The following CDYL2 variants were observed in gnomAD, a reference collection of about 807,000 sequenced individuals.
CDYL2 encodes chromodomain Y-like protein 2.
In CDYL2, 23 loss-of-function variants were observed where a neutral mutation model predicts 49.4. The ratio of observed to expected loss-of-function variants is 0.47; its 90% confidence interval spans 0.34 to 0.66. CDYL2 has a LOEUF of 0.66. Among genes scored for constraint, CDYL2 ranks in the 30% least tolerant of loss-of-function variants. The pLI is 0.01. For synonymous variants in CDYL2, 360 were observed against 268.8 expected (o/e 1.34, Z -3.32); for missense variants, 678 against 656.4 (o/e 1.03, Z -0.36).
chr16:80,686,101 C>T (rs1910179062), intron 1 of CDYL2, among the ~76,000 whole-genome samples: 1 of 152,212 alleles, frequency 6.6e-6, no homozygotes, highest in African/African-American at 2.4e-5. Flanking sequence ...ATGCACAGCT[C>T]GCAGGCGATA....
chr16:80,672,535 A>AAAAGG (rs58509953), intron 2 of CDYL2, among the ~76,000 whole-genome samples: 3,955 of 44,546 alleles, frequency 0.089, 340 homozygotes, highest in Non-Finnish European at 0.093. Flanking sequence ...AAGGAAAAGG[A>AAAAGG]AAAGGAAAGG....
At chr16:80,694,651 C>T (rs752569259) in intron 1 of CDYL2, among the ~76,000 whole-genome samples, 2 of 152,276 alleles carry the variant, frequency 1.3e-5, no homozygotes, top group African/African-American at 2.4e-5. Flanking sequence ...AGAGCACACA[C>T]ATATTTCCTA....
intron 1 of CDYL2, among the ~76,000 whole-genome samples, chr16:80,703,450 G>A (rs368194602): frequency 4.7e-4 from 71 of 152,236 alleles, no homozygotes; most frequent in African/African-American, 1.5e-3. Flanking sequence ...TTCAGGATTG[G>A]ACTAGAGCTA....
chr16:80,684,403 A>C, intron 2 of CDYL2, 135 bp downstream of exon 2: 1 of 795,396 alleles, frequency 1.3e-6, no homozygotes, highest in Non-Finnish European at 2.0e-6. Context: ...TAGGTGAGAG[A>C]GATGAAGGGG....
intron 1 of CDYL2, among the ~76,000 whole-genome samples, chr16:80,730,000 G>T (rs1012683110): frequency 2.0e-5 from 3 of 152,036 alleles, no homozygotes; most frequent in Non-Finnish European, 4.4e-5. Context: ...GAGAAAGCAG[G>T]AAAGATCCAA....
intron 1 of CDYL2, among the ~76,000 whole-genome samples, chr16:80,760,651 A>C (rs72807956): frequency 0.012 from 1,867 of 152,184 alleles, 23 homozygotes; most frequent in Non-Finnish European, 0.019. Context: ...AAAAAGAAAA[A>C]CAGTGTCAAA....
At chr16:80,716,863 A>G (rs1004608641) in intron 1 of CDYL2, among the ~76,000 whole-genome samples, 2 of 151,178 alleles carry the variant, frequency 1.3e-5, no homozygotes, top group South Asian at 2.1e-4. Context: ...TAATGTATGT[A>G]TGGATGGATG....
chr16:80,713,507 T>G (rs1012653590), intron 1 of CDYL2, among the ~76,000 whole-genome samples: 1 of 152,178 alleles, frequency 6.6e-6, no homozygotes, highest in Non-Finnish European at 1.5e-5. Context: ...AAGGTCCCTC[T>G]GAACCATTGA....
intron 3 of CDYL2, among the ~76,000 whole-genome samples, chr16:80,621,829 G>A (rs1261548454): frequency 6.6e-6 from 1 of 152,158 alleles, no homozygotes; most frequent in Non-Finnish European, 1.5e-5. Context: ...CTATGACCTT[G>A]TCTTAGGCAG....
chr16:80,699,414 A>G (rs1904289647), intron 1 of CDYL2, among the ~76,000 whole-genome samples: 1 of 152,270 alleles, frequency 6.6e-6, no homozygotes, highest in Admixed American at 6.5e-5. Flanking sequence ...AGCCAGGCAT[A>G]GAAATACAAA....
intron 1 of CDYL2, among the ~76,000 whole-genome samples, chr16:80,762,700 G>A (rs1024896554): frequency 2.0e-5 from 3 of 152,150 alleles, no homozygotes; most frequent in Non-Finnish European, 4.4e-5. Flanking sequence ...TTGGGCACAA[G>A]CACAAAGCAG....
chr16:80,753,262 A>C (rs530779118), intron 1 of CDYL2, among the ~76,000 whole-genome samples: 23 of 134,866 alleles, frequency 1.7e-4, no homozygotes, highest in African/African-American at 7.4e-4. Context: ...TCCCAACTTA[A>C]AAAAAAAAAA....
chr16:80,798,428 T>C (rs1907830425), intron 1 of CDYL2, among the ~76,000 whole-genome samples: 2 of 151,528 alleles, frequency 1.3e-5, no homozygotes, highest in African/African-American at 4.9e-5. Flanking sequence ...CTCCTCCTCC[T>C]CCTCAGTCTA....
At position 80,650,160 on chromosome 16, in the gene CDYL2, C is replaced by A. The variant is rs143238316; in HGVS notation, c.617-16924G>T. Among the ~76,000 whole-genome samples, 667 of 152,090 alleles carry A rather than the reference C, an allele frequency of 4.4e-3. 5 individuals are homozygous for A. The highest frequency in any genetic ancestry group is 0.015 in the African/African-American group (639 of 41,504). ...AAAAGCTTCCACACAGCAAAGGAAA[C>A]AATCAACAAAGTGAAGAGACAAGCC... On this transcript the variant is annotated intron_variant, in intron 2 of 6. Coordinates refer to ENST00000570137, the MANE Select transcript of CDYL2 (RefSeq NM_152342.4).
intron 1 of CDYL2, among the ~76,000 whole-genome samples, chr16:80,788,365 ATCC>A (rs1907502403): frequency 6.6e-6 from 1 of 152,210 alleles, no homozygotes; most frequent in African/African-American, 2.4e-5. Context: ...ATGCTTTCCC[ATCC>A]TGATTAACTC....
chr16:80,622,507 T>C lies in CDYL2; in HGVS notation c.835-1572A>G, dbSNP rs377201877. On this transcript the variant is annotated intron_variant, in intron 3 of 6. Coordinates refer to ENST00000570137, the MANE Select transcript of CDYL2 (RefSeq NM_152342.4). ...TTGTTTGTTTCCTGCCTTTTATTTG[T>C]CCACACTTGCTCAACTGTTATTTTA... Among the ~76,000 whole-genome samples the C allele has an allele frequency of 1.6e-4, 25 of 152,288 alleles. No homozygotes were observed. In the South Asian group the frequency reaches 5.0e-3, roughly 30 times the overall value.
chr16:80,664,214 C>G (rs989306238), intron 2 of CDYL2, among the ~76,000 whole-genome samples: 3 of 152,182 alleles, frequency 2.0e-5, no homozygotes, highest in African/African-American at 7.2e-5. Context: ...CCCATAAACA[C>G]CTTAACTTCC....
chr16:80,709,764 C>G (rs1305096151), intron 1 of CDYL2, among the ~76,000 whole-genome samples: 3 of 152,138 alleles, frequency 2.0e-5, no homozygotes, highest in Non-Finnish European at 1.5e-5. Flanking sequence ...TAAAGTGCCA[C>G]ATTTATTGTA....
At chr16:80,621,209 C>T (rs868551102) in intron 3 of CDYL2, among the ~76,000 whole-genome samples, 3 of 152,236 alleles carry the variant, frequency 2.0e-5, no homozygotes, top group Non-Finnish European at 4.4e-5. Context: ...GATCTGGAAG[C>T]CTGGCCTGGA....
Sources: allele counts gnomAD v4.1 joint callset (sites outside exome capture counted in the v4.1 genomes callset), GRCh38; gene constraint gnomAD v4.1.1; transcripts MANE v1.5; gene names NCBI Gene and HGNC (gene_info 2026-07-23, HGNC 2026-07-21).